Variants in WDR27 observed in about 807,000 individuals in gnomAD.
WDR27 encodes WD repeat domain 27.
Under a neutral mutation model 114.4 loss-of-function variants are expected in WDR27, and 100 were observed. The observed-to-expected ratio is 0.87, with a 90% CI of 0.74 to 1.03. WDR27 has a LOEUF of 1.03. Among genes scored for constraint, WDR27 ranks in the 50% least tolerant of loss-of-function variants. WDR27 has a pLI of 0.00. For missense variants in WDR27, 1,129 were observed against 1,092.9 expected, an observed-to-expected ratio of 1.03 and a Z score of -0.47; for synonymous variants, 449 against 423.1, an observed-to-expected ratio of 1.06 and a Z score of -0.75.
intron 22 of WDR27, among the ~76,000 whole-genome samples, chr6:169,603,217 G>A (rs1237828677): frequency 1.3e-5 from 2 of 151,400 alleles, no homozygotes; most frequent in African/African-American, 4.9e-5. Flanking sequence ...TGTTGCAATG[G>A]CCAAGATAAT....
At chr6:169,655,034 T>C (rs909481143) in intron 13 of WDR27, among the ~76,000 whole-genome samples, 11 of 152,194 alleles carry the variant, frequency 7.2e-5, no homozygotes, top group African/African-American at 2.2e-4. Context: ...CACATCACGC[T>C]GGTGGGTTCG....
chr6:169,466,162 G>A (rs191670692), intron 25 of WDR27, among the ~76,000 whole-genome samples: 69 of 152,270 alleles, frequency 4.5e-4, no homozygotes, highest in African/African-American at 1.5e-3. Context: ...AAGCAGAGAC[G>A]GCTCACCCAA....
chr6:169,451,769 C>T, the WDR27 span, among the ~76,000 whole-genome samples: 2 of 152,130 alleles, frequency 1.3e-5, no homozygotes, highest in African/African-American at 2.4e-5. Flanking sequence ...TTTGCATTTT[C>T]CTAATGAGGA....
At chr6:169,469,968 A>T (rs117871105) in intron 25 of WDR27, among the ~76,000 whole-genome samples, 1 of 152,266 alleles carries the variant, frequency 6.6e-6, no homozygotes, top group East Asian at 1.9e-4. Flanking sequence ...TAATTTTCCA[A>T]ATCTTCATTT....
chr6:169,570,732 G>A (rs1196434240), intron 25 of WDR27, among the ~76,000 whole-genome samples: 5 of 152,162 alleles, frequency 3.3e-5, no homozygotes, highest in African/African-American at 4.8e-5. Flanking sequence ...GGGAGGCTGC[G>A]GCAGGAGAAT....
intron 2 of WDR27, among the ~76,000 whole-genome samples, chr6:169,680,130 T>C (rs1660545873): frequency 1.3e-5 from 2 of 152,220 alleles, no homozygotes; most frequent in African/African-American, 2.4e-5. Flanking sequence ...TCACCATATT[T>C]GCACTGAAAC....
intron 21 of WDR27, among the ~76,000 whole-genome samples, chr6:169,629,257 G>A (rs532025429): frequency 3.3e-5 from 5 of 151,908 alleles, no homozygotes; most frequent in South Asian, 4.2e-4. Context: ...TAAAAACTCC[G>A]AAATTATATT....
At position 169,701,531 on chromosome 6, in the gene WDR27, G is replaced by A. The variant is rs1456101456; in HGVS notation, c.-8+20C>T. 6.4e-6 allele frequency: 1 copy of A among 157,222 alleles called. No homozygotes were observed. Among genetic ancestry groups the A allele is most frequent in the Non-Finnish European group, 1.4e-5 (1 of 71,192 alleles). The allele number at this position is 157,222 out of a possible 1,614,324, so 9.7% of individuals were successfully genotyped here. A position where few individuals can be genotyped will look rare whatever the true frequency, so the allele number is the denominator to read the frequency against. On this transcript the variant is annotated intron_variant, in intron 1 of 25. Transcript: ENST00000448612. ...ATCTGAGTGCTCCTTATACACAGCTGCTTTAATTAAAATAACCACCTGAGC... is the reference window on the plus strand; with the variant it reads ...ATCTGAGTGCTCCTTATACACAGCTACTTTAATTAAAATAACCACCTGAGC...
At chr6:169,550,240 T>C (rs1797922238) in intron 25 of WDR27, among the ~76,000 whole-genome samples, 1 of 152,170 alleles carries the variant, frequency 6.6e-6, no homozygotes, top group Non-Finnish European at 1.5e-5. Flanking sequence ...ATAAGAGTGT[T>C]CAGTTACTTT....
At chr6:169,691,782 T>G (rs1051573022) in intron 1 of WDR27, among the ~76,000 whole-genome samples, 1 of 152,224 alleles carries the variant, frequency 6.6e-6, no homozygotes, top group Admixed American at 6.5e-5. Flanking sequence ...ATAAGCAGGT[T>G]TCTATATATG....
chr6:169,551,448 C>T (rs1411328036), intron 25 of WDR27, among the ~76,000 whole-genome samples: 1 of 152,148 alleles, frequency 6.6e-6, no homozygotes, highest in Non-Finnish European at 1.5e-5. Flanking sequence ...CTCAACATAA[C>T]AACCTGAGTG....
intron 25 of WDR27, among the ~76,000 whole-genome samples, chr6:169,517,290 G>GC (rs1262276398): frequency 6.6e-6 from 1 of 152,144 alleles, no homozygotes; most frequent in Non-Finnish European, 1.5e-5. Flanking sequence ...GCAGATACCA[G>GC]CACCATGCTT....
At chr6:169,457,667 A>G (rs1333248267) in intron 25 of WDR27, 33 bp from the exon 26 acceptor site, 1 of 1,519,148 alleles carries the variant, frequency 6.6e-7, no homozygotes, top group Non-Finnish European at 8.9e-7. Context: ...ATGTAATTCC[A>G]ATCGCCTTTT....
chr6:169,583,914 G>A (rs1165267260), intron 23 of WDR27, among the ~76,000 whole-genome samples: 1 of 152,106 alleles, frequency 6.6e-6, no homozygotes, highest in Non-Finnish European at 1.5e-5. Flanking sequence ...ACTTGTATTT[G>A]TGACAAGAAC....
chr6:169,464,705 C>T (rs1583583687), intron 25 of WDR27, among the ~76,000 whole-genome samples: 1 of 152,174 alleles, frequency 6.6e-6, no homozygotes, highest in African/African-American at 2.4e-5. Flanking sequence ...AATTAATATC[C>T]AGGATATATA....
At chr6:169,605,417 C>T (rs1373327454) in intron 22 of WDR27, among the ~76,000 whole-genome samples, 7 of 151,710 alleles carry the variant, frequency 4.6e-5, no homozygotes, top group Non-Finnish European at 7.4e-5. Context: ...GGTAAAAGGT[C>T]TCAATACGGA....
At chr6:169,667,223 C>T in intron 5 of WDR27, 36 bp from the exon 6 acceptor site, 10 of 1,459,294 alleles carry the variant, frequency 6.9e-6, no homozygotes, top group Non-Finnish European at 8.1e-6. Flanking sequence ...GAAGAGGTAA[C>T]AACGTTGCCA....
intron 25 of WDR27, among the ~76,000 whole-genome samples, chr6:169,561,655 A>G (rs1299459907): frequency 6.6e-6 from 1 of 152,224 alleles, no homozygotes; most frequent in Admixed American, 6.5e-5. Flanking sequence ...ATAAAAAAAC[A>G]AAGATCAGAA....
At chr6:169,426,452 G>A in the WDR27 span, 2 of 152,136 alleles carry the variant, frequency 1.3e-5, no homozygotes, top group South Asian at 2.1e-4. Context: ...TTTATTAAAG[G>A]TTAACCGTCT....
Sources: gnomAD v4.1 joint callset for allele counts (sites outside exome capture counted in the v4.1 genomes callset) on GRCh38, gnomAD v4.1.1 for gene constraint, MANE v1.5 for transcripts, NCBI Gene and HGNC (gene_info 2026-07-23, HGNC 2026-07-21) for gene names.